Variants in ZNF234 observed in about 807,000 individuals in gnomAD.
The protein encoded by ZNF234 is zinc finger protein 234, also known as C2-H2 type zinc finger protein.
In ZNF234, 4 loss-of-function variants were observed where a neutral mutation model predicts 10.3. The observed-to-expected ratio is 0.39, with a 90% CI of 0.19 to 0.89. The LOEUF (loss-of-function observed/expected upper bound fraction) is 0.89, where lower values mean the gene tolerates loss of function less well. ZNF234 is among the 40% of genes least tolerant of loss of function. The pLI, the probability that ZNF234 is intolerant of heterozygous loss-of-function variation, is 0.38. For missense variants in ZNF234, 711 were observed against 836.1 expected (o/e 0.85, Z 1.85); for synonymous variants, 258 against 280.1 (o/e 0.92, Z 0.79).
intron 5 of ZNF234, among the ~76,000 whole-genome samples, chr19:44,152,619 A>G (rs1968770974): frequency 6.6e-6 from 1 of 152,200 alleles, no homozygotes; most frequent in Non-Finnish European, 1.5e-5. Context: ...GGCTTCCATC[A>G]TATGGAACAC....
At chr19:44,143,021 A>G (rs556613595) in intron 2 of ZNF234, among the ~76,000 whole-genome samples, 62 of 152,252 alleles carry the variant, frequency 4.1e-4, no homozygotes, top group Non-Finnish European at 8.1e-4. Context: ...ATAATAAACT[A>G]GTGACCTGCC....
In ZNF234 at chr19:44,157,657, G is replaced by A; in HGVS notation, c.1641G>A (p.Lys547=). 1.2e-6 allele frequency: 2 copies of A among 1,614,030 alleles called. No homozygotes were observed. The highest frequency in any genetic ancestry group is 1.7e-6 in the Non-Finnish European group (2 of 1,180,018). ...CATTTAAATGTGAAGAGTGTGGGAA[G>A]AGCTTCAGTCGGAGTGCACACCTTC... ...EKPFKCEECG[K]SFSRSAHLQA... is the part of the protein sequence containing the mutation. The change falls in exon 6 of 6, where the codon AAG becomes AAA. Residue 547 remains lysine (K), a synonymous_variant. Transcript: ENST00000426739.
At chr19:44,151,177 C>G (rs1968736205) in intron 5 of ZNF234, among the ~76,000 whole-genome samples, 1 of 152,100 alleles carries the variant, frequency 6.6e-6, no homozygotes, top group Admixed American at 6.6e-5. Flanking sequence ...CTTGCTCCAT[C>G]TTTTCCAGCC....
intron 2 of ZNF234, among the ~76,000 whole-genome samples, chr19:44,143,665 A>G (rs1968524502): frequency 6.6e-6 from 1 of 151,086 alleles, no homozygotes; most frequent in Non-Finnish European, 1.5e-5. Flanking sequence ...TACAAAAATT[A>G]GCCACATGTG....
At chr19:44,155,130 G>C (rs1031566854) in intron 5 of ZNF234, among the ~76,000 whole-genome samples, 2 of 152,024 alleles carry the variant, frequency 1.3e-5, no homozygotes, top group Non-Finnish European at 2.9e-5. Context: ...CTTTCAGAAG[G>C]GTTTAAACAT....
chr19:44,146,792 TTC>T (rs1228817257), intron 3 of ZNF234, among the ~76,000 whole-genome samples: 43 of 135,516 alleles, frequency 3.2e-4, no homozygotes, highest in African/African-American at 1.4e-3. Flanking sequence ...GGTGCTTGCA[TTC>T]TCTCTCTCTC....
intron 5 of ZNF234, among the ~76,000 whole-genome samples, chr19:44,152,005 C>T (rs1041256772): frequency 6.6e-6 from 1 of 152,172 alleles, no homozygotes; most frequent in African/African-American, 2.4e-5. Flanking sequence ...ACTACAGATA[C>T]TTCTGCCTCA....
intron 3 of ZNF234, among the ~76,000 whole-genome samples, chr19:44,147,405 T>G (rs1408091982): frequency 6.6e-6 from 1 of 151,630 alleles, no homozygotes; most frequent in Non-Finnish European, 1.5e-5. Context: ...TGCAGCTAAT[T>G]TTTTGTACTT....
At chr19:44,148,001 C>T (rs1297457313) in intron 3 of ZNF234, among the ~76,000 whole-genome samples, 2 of 152,116 alleles carry the variant, frequency 1.3e-5, no homozygotes, top group African/African-American at 4.8e-5. Flanking sequence ...GAATAATATA[C>T]AGTCATGAAA....
intron 3 of ZNF234, among the ~76,000 whole-genome samples, chr19:44,146,284 T>C (rs1968588337): frequency 6.6e-6 from 1 of 152,126 alleles, no homozygotes; most frequent in Non-Finnish European, 1.5e-5. Context: ...ATAAAGTCTT[T>C]AAATTACTCT....
intron 5 of ZNF234, among the ~76,000 whole-genome samples, chr19:44,154,119 C>G (rs759471176): frequency 9.9e-5 from 15 of 152,218 alleles, no homozygotes; most frequent in Middle Eastern, 6.8e-3. Flanking sequence ...TAAAGCAGCC[C>G]TCATTGGTGA....
intron 3 of ZNF234, among the ~76,000 whole-genome samples, chr19:44,146,926 C>T (rs1042563158): frequency 4.8e-5 from 7 of 146,784 alleles, no homozygotes; most frequent in Non-Finnish European, 7.4e-5. Context: ...AGTGATTCTT[C>T]TGCCTCAGCC....
At chr19:44,148,660 A>C in intron 3 of ZNF234, 111 bp from the exon 4 acceptor site, 2 of 1,442,364 alleles carry the variant, frequency 1.4e-6, no homozygotes, top group Admixed American at 3.4e-5. Context: ...CTACACATTA[A>C]GTCTCTGAAA....
Position 44,157,924 on chromosome 19 carries a change from T to G in ZNF234, c.1908T>G (p.Ser636=). 1 of 1,614,074 alleles carries G rather than the reference T, an allele frequency of 6.2e-7. No homozygotes were observed. The highest frequency in any genetic ancestry group is 1.1e-5 in the South Asian group (1 of 91,072). Residue 636 remains serine (S), a synonymous_variant, in exon 6 of 6, where the codon TCT becomes TCG. Transcript: ENST00000426739. ...TATGTGGTAAAGTCTTCAGTCGGTC[T>G]TCACAATTACAGTATCATAGGCGAG... ...CDVCGKVFSR[S]SQLQYHRRVH... is the part of the protein sequence containing the mutation.
chr19:44,148,617 A>C, intron 3 of ZNF234, 154 bp from the exon 4 acceptor site: 1 of 1,035,712 alleles, frequency 9.7e-7, no homozygotes, highest in Non-Finnish European at 1.5e-6. Flanking sequence ...AAAGTGTGGC[A>C]TTGGTAAGAT....
At position 44,159,655 on chromosome 19, in the gene ZNF234, C is replaced by T; in HGVS notation, c.*1536C>T. 1 of 461,300 alleles carries T rather than the reference C, an allele frequency of 2.2e-6. No individual in the cohort carries two copies. The highest frequency in any genetic ancestry group is 6.0e-5 in the East Asian group (1 of 16,576). 28.6% of individuals were successfully genotyped at this position (461,300 alleles called of 1,614,324 possible). A position where few individuals can be genotyped will look rare whatever the true frequency, so the allele number is the denominator to read the frequency against. Reference sequence around the variant, plus strand: ...TGCCAATGCCAAATTTTTATCAGCCCCCTTGAATTTATTTGATTTCTGACT... The same window carrying T: ...TGCCAATGCCAAATTTTTATCAGCCTCCTTGAATTTATTTGATTTCTGACT... On this transcript the variant is annotated 3_prime_UTR_variant, in exon 6 of 6. Coordinates refer to ENST00000426739, the MANE Select transcript of ZNF234 (RefSeq NM_006630.3).
rs1968545362 is a variant in ZNF234 at position 44,144,542 on chromosome 19, T to C, written c.-76-15T>C. On this transcript the variant is annotated splice_polypyrimidine_tract_variant and intron_variant, in intron 2 of 5. Coordinates refer to ENST00000426739, the MANE Select transcript of ZNF234 (RefSeq NM_006630.3). ...CCTGGCCACGCTTTCATGTCTCTTTTTGTGTCTTCCATAGTGTTCCAGGCA... is the reference window on the plus strand; with the variant it reads ...CCTGGCCACGCTTTCATGTCTCTTTCTGTGTCTTCCATAGTGTTCCAGGCA... 2 of 1,227,272 alleles carry C rather than the reference T, an allele frequency of 1.6e-6. No homozygotes were observed. The highest frequency in any genetic ancestry group is 2.2e-6 in the Non-Finnish European group (2 of 916,652). The allele number at this position is 1,227,272 out of a possible 1,614,324, so 76.0% of individuals were successfully genotyped here.
At chr19:44,155,303 C>T (rs1456920067) in intron 5 of ZNF234, among the ~76,000 whole-genome samples, 3 of 152,096 alleles carry the variant, frequency 2.0e-5, no homozygotes, top group Non-Finnish European at 2.9e-5. Flanking sequence ...ACACCAACTC[C>T]CCTCACAGTA....
In ZNF234 at chr19:44,156,306, AGC is replaced by A. The variant is rs1357490687; in HGVS notation, c.291_292del (p.Glu97AspfsTer13). ...GTTCCAGAAGCAGGACGACATGAAG[AGC>A]TTTACTGGGGGCAAATCTGGAAACA... On this transcript the variant is annotated frameshift_variant, in exon 6 of 6. Transcript: ENST00000426739. LOFTEE classifies it low-confidence loss of function (END_TRUNC). The A allele has an allele frequency of 2.5e-6, 4 of 1,595,206 alleles. No homozygotes were observed. Among genetic ancestry groups the A allele is most frequent in the Non-Finnish European group, 3.4e-6 (4 of 1,172,348 alleles).
Sources: allele counts gnomAD v4.1 joint callset (sites outside exome capture counted in the v4.1 genomes callset), GRCh38; gene constraint gnomAD v4.1.1; transcripts MANE v1.5; gene names NCBI Gene and HGNC (gene_info 2026-07-23, HGNC 2026-07-21).